Variants in ANK3 observed in about 807,000 individuals in gnomAD.
ANK3 encodes the protein ankyrin-3.
In ANK3, 57 loss-of-function variants were observed where a neutral mutation model predicts 370.9. The observed-to-expected ratio is 0.15, with a 90% CI of 0.12 to 0.19. The LOEUF (loss-of-function observed/expected upper bound fraction) is 0.19, where lower values mean the gene tolerates loss of function less well. Ranked by LOEUF, ANK3 falls within the 10% of genes least tolerant of loss-of-function variation. The pLI is 1.00. For synonymous variants in ANK3, 1,929 were observed against 1,946.3 expected (o/e 0.99, Z 0.23); for missense variants, 4,439 against 5,302.1 (o/e 0.84, Z 5.06).
chr10:60,487,806 C>T (rs953096272), intron 2 of ANK3, among the ~76,000 whole-genome samples: 3 of 151,830 alleles, frequency 2.0e-5, no homozygotes, highest in African/African-American at 7.3e-5. Flanking sequence ...CCTCTGCCTC[C>T]AGGGTTCCAG....
At chr10:60,395,934 T>C (rs1218716234) in intron 2 of ANK3, among the ~76,000 whole-genome samples, 3 of 152,178 alleles carry the variant, frequency 2.0e-5, no homozygotes, top group Non-Finnish European at 4.4e-5. Flanking sequence ...CAATGCTTTC[T>C]AGGTCAGATC....
intron 1 of ANK3, among the ~76,000 whole-genome samples, chr10:60,671,278 C>T (rs1304885628): frequency 6.6e-6 from 1 of 152,192 alleles, no homozygotes; most frequent in Non-Finnish European, 1.5e-5. Flanking sequence ...TTTCAGTCAC[C>T]TTGGCCTCCT....
At chr10:60,423,383 C>G (rs181274473) in intron 2 of ANK3, among the ~76,000 whole-genome samples, 101 of 151,354 alleles carry the variant, frequency 6.7e-4, no homozygotes. Context: ...GGAGGTAGGG[C>G]AGTCTGGAAT....
chr10:60,684,411 T>C, intron 1 of ANK3: 1 of 690,790 alleles, frequency 1.4e-6, no homozygotes, highest in South Asian at 1.9e-5. Context: ...GGAAGGATGG[T>C]TAGTCAATCT....
chr10:60,162,316 A>G (rs145331477), intron 23 of ANK3, among the ~76,000 whole-genome samples: 264 of 152,288 alleles, frequency 1.7e-3, no homozygotes, highest in African/African-American at 6.1e-3. Context: ...GGGCAGGGGA[A>G]TGAAATGATC....
At chr10:60,218,093 C>CTT (rs2096971270) in intron 8 of ANK3, among the ~76,000 whole-genome samples, 1 of 124,410 alleles carries the variant, frequency 8.0e-6, no homozygotes. Flanking sequence ...TTTTCTTTTT[C>CTT]TTTCTTTTTT....
chr10:60,042,972 T>C lies in ANK3; in HGVS notation c.13066-213A>G, dbSNP rs2076374080. 3.8e-6 allele frequency: 5 copies of C among 1,330,974 alleles called. No individual in the cohort carries two copies. In the Admixed American group the frequency reaches 1.8e-4, roughly 49 times the overall value. 82.4% of individuals were successfully genotyped at this position (1,330,974 alleles called of 1,614,324 possible). A position where few individuals can be genotyped will look rare whatever the true frequency, so the allele number is the denominator to read the frequency against. ...GAGCACTGTCAAAATGAATACAACATAATTGTACTTGACAATAATTCAGTA... is the reference window on the plus strand; with the variant it reads ...GAGCACTGTCAAAATGAATACAACACAATTGTACTTGACAATAATTCAGTA... On this transcript the variant is annotated intron_variant, in intron 42 of 43. Transcript: ENST00000280772.
chr10:60,126,571 C>T (rs544140840), intron 25 of ANK3, among the ~76,000 whole-genome samples: 99 of 151,946 alleles, frequency 6.5e-4, no homozygotes, highest in African/African-American at 2.2e-3. Context: ...GGTTGTAATC[C>T]TAGCTACTGG....
At chr10:60,337,181 T>C (rs1208302112) in intron 1 of ANK3, among the ~76,000 whole-genome samples, 1 of 152,132 alleles carries the variant, frequency 6.6e-6, no homozygotes, top group Non-Finnish European at 1.5e-5. Flanking sequence ...AACAATAAGA[T>C]AACAATGAAC....
intron 1 of ANK3, among the ~76,000 whole-genome samples, chr10:60,664,655 C>A (rs1048238311): frequency 6.6e-6 from 1 of 152,026 alleles, no homozygotes; most frequent in African/African-American, 2.4e-5. Context: ...AATAATTGAC[C>A]CCAAGATCCA....
chr10:60,568,053 A>G (rs1452971842), intron 2 of ANK3, among the ~76,000 whole-genome samples: 7 of 152,240 alleles, frequency 4.6e-5, no homozygotes, highest in Non-Finnish European at 8.8e-5. Flanking sequence ...GGGTGAAGAC[A>G]CTATGAACAT....
chr10:60,394,607 CA>C (rs1454147425), upstream of ANK3, among the ~76,000 whole-genome samples: 2 of 152,176 alleles, frequency 1.3e-5, no homozygotes, highest in East Asian at 3.9e-4. Flanking sequence ...GTCTCTCCAT[CA>C]CACCCACACT....
chr10:60,268,629 AAT>A (rs1372922982), intron 5 of ANK3, among the ~76,000 whole-genome samples: 2 of 151,796 alleles, frequency 1.3e-5, no homozygotes, highest in African/African-American at 4.8e-5. Flanking sequence ...ACATATCTAT[AAT>A]ATATATTTGA....
intron 12 of ANK3, 59 bp downstream of exon 12, chr10:60,202,943 C>T: frequency 1.6e-6 from 2 of 1,237,872 alleles, no homozygotes; most frequent in Non-Finnish European, 1.1e-6. Flanking sequence ...AGATAAAAAC[C>T]ACCTTTGCCA....
chr10:60,250,018 T>C (rs2097626246), intron 7 of ANK3, among the ~76,000 whole-genome samples: 1 of 152,252 alleles, frequency 6.6e-6, no homozygotes, highest in Non-Finnish European at 1.5e-5. Flanking sequence ...TGATGGACTA[T>C]ACCTAAATGT....
chr10:60,525,169 C>T (rs1304989986), intron 2 of ANK3, among the ~76,000 whole-genome samples: 1 of 151,942 alleles, frequency 6.6e-6, no homozygotes, highest in Non-Finnish European at 1.5e-5. Context: ...CATATGTAAA[C>T]AGAAGCGTCT....
Position 60,291,844 on chromosome 10 carries a change from C to A in ANK3, c.115-12205G>T, listed in dbSNP as rs183511507. Among the ~76,000 whole-genome samples, 539 of 152,186 alleles carry A rather than the reference C, an allele frequency of 3.5e-3. 4 individuals carry two copies. Among genetic ancestry groups the A allele is most frequent in the Non-Finnish European group, 9.0e-4 (61 of 68,002 alleles). ...CCTCCCACCTTGACCTCCCTAGTAG[C>A]CAGGTCTACAGGTACAGACCGCCAC... is the stretch of plus-strand genomic sequence containing the variant. On this transcript the variant is annotated intron_variant, in intron 1 of 43. Transcript: ENST00000280772.
At chr10:60,147,204 G>A (rs1371279703) in intron 23 of ANK3, among the ~76,000 whole-genome samples, 3 of 152,276 alleles carry the variant, frequency 2.0e-5, no homozygotes, top group South Asian at 2.1e-4. Context: ...TGTCAGGCTG[G>A]AGGACCCGCA....
At chr10:60,215,075 C>G (rs1471551030) in intron 8 of ANK3, among the ~76,000 whole-genome samples, 1 of 152,176 alleles carries the variant, frequency 6.6e-6, no homozygotes, top group African/African-American at 2.4e-5. Context: ...GAGATAGTAT[C>G]TCACTGTGGT....
Sources: allele counts gnomAD v4.1 joint callset (sites outside exome capture counted in the v4.1 genomes callset), GRCh38; gene constraint gnomAD v4.1.1; transcripts MANE v1.5; gene names NCBI Gene and HGNC (gene_info 2026-07-23, HGNC 2026-07-21).